Variants in SLCO1A2 observed in about 807,000 individuals in gnomAD.
SLCO1A2 encodes the protein OATP-1.
SLCO1A2 carries 67 observed loss-of-function variants against 69.0 expected under a neutral mutation model. The observed-to-expected ratio is 0.97, with a 90% CI of 0.80 to 1.19. SLCO1A2 has a LOEUF of 1.19. Ranked by LOEUF, SLCO1A2 falls within the 50% of genes most tolerant of loss-of-function variation. The pLI, the probability that SLCO1A2 is intolerant of heterozygous loss-of-function variation, is 0.00. For synonymous variants in SLCO1A2, 260 were observed against 265.9 expected (o/e 0.98, Z 0.22); for missense variants, 787 against 793.7 (o/e 0.99, Z 0.10).
At chr12:21,349,557 A>G (rs1413928870) in intron 2 of SLCO1A2, among the ~76,000 whole-genome samples, 1 of 152,144 alleles carries the variant, frequency 6.6e-6, no homozygotes, top group African/African-American at 2.4e-5. Context: ...TTCAATCAGA[A>G]TTATCTTCTT....
At chr12:21,342,881 G>C (rs1027026049) in intron 2 of SLCO1A2, among the ~76,000 whole-genome samples, 6 of 152,046 alleles carry the variant, frequency 3.9e-5, no homozygotes, top group Non-Finnish European at 5.9e-5. Flanking sequence ...TTTCTAGCTT[G>C]ATAGTACCAG....
At position 21,301,209 on chromosome 12, in the gene SLCO1A2, C is replaced by T; in HGVS notation, c.650G>A (p.Cys217Tyr). ...TCCAGTGTCAACATAAACATTTGCA[C>T]AGAATGATGCCAACAAAAGTCCAAT... is the stretch of plus-strand genomic sequence containing the variant. Reference protein sequence around the residue: ...PLIGLLLASFCANVYVDTGFV... With the variant: ...PLIGLLLASFYANVYVDTGFV... Residue 217 changes from cysteine (C) to tyrosine (Y), a missense_variant, in exon 7 of 15, where the codon TGT becomes TAT. Coordinates refer to ENST00000683939, the MANE Select transcript of SLCO1A2 (RefSeq NM_001386879.1). The T allele has an allele frequency of 6.2e-7, 1 of 1,612,604 alleles. No homozygotes were observed. The highest frequency in any genetic ancestry group is 2.2e-5 in the East Asian group (1 of 44,780).
intron 5 of SLCO1A2, among the ~76,000 whole-genome samples, chr12:21,305,558 C>A (rs1171520886): frequency 6.6e-6 from 1 of 152,218 alleles, no homozygotes; most frequent in Non-Finnish European, 1.5e-5. Context: ...AGATCACAGG[C>A]AAACTCTAGG....
At chr12:21,344,079 C>T (rs1488664986) in intron 2 of SLCO1A2, among the ~76,000 whole-genome samples, 1 of 152,066 alleles carries the variant, frequency 6.6e-6, no homozygotes. Flanking sequence ...TAAGTGAATT[C>T]ATGAATCTTC....
In SLCO1A2 at chr12:21,275,407, T is replaced by G. The variant is rs773254849; in HGVS notation, c.1628A>C (p.Glu543Ala). 15 of 1,509,324 alleles carry G rather than the reference T, an allele frequency of 9.9e-6. No individual in the cohort carries two copies. Among genetic ancestry groups the G allele is most frequent in the Non-Finnish European group, 1.3e-5 (15 of 1,119,336 alleles). The allele number at this position is 1,509,324 out of a possible 1,614,324, so 93.5% of individuals were successfully genotyped here. The change falls in exon 13 of 15, where the codon GAG (glutamate) becomes GCG (alanine). Residue 543 changes from glutamate to alanine, a missense_variant. Transcript: ENST00000683939. ...ATGTAATCCCACACCAAGGGACTTC[T>G]CTTCAGATTTCATACACCTGAAAAG... is the stretch of plus-strand genomic sequence containing the variant. ...MVLLRCMKSE[E>A]KSLGVGLHTF... is the part of the protein sequence containing the mutation.
intron 1 of SLCO1A2, among the ~76,000 whole-genome samples, chr12:21,404,358 G>C (rs1941788265): frequency 6.6e-6 from 1 of 151,756 alleles, no homozygotes; most frequent in African/African-American, 2.4e-5. Context: ...TAAGCCCCAC[G>C]TGCATTAGCT....
chr12:21,352,760 T>G (rs964771612), intron 2 of SLCO1A2, among the ~76,000 whole-genome samples: 46 of 152,210 alleles, frequency 3.0e-4, no homozygotes, highest in Non-Finnish European at 4.1e-4. Context: ...CTAAAAAATG[T>G]TTTTTCCTTG....
rs186649912 is a variant in SLCO1A2, at chr12:21,288,772, T to A, written c.1610+3392A>T. 3.3e-3 allele frequency among the ~76,000 whole-genome samples: 495 copies of A among 152,092 alleles called. 2 individuals are homozygous for A. The highest frequency in any genetic ancestry group is 0.01 in the Middle Eastern group (3 of 294). On this transcript the variant is annotated intron_variant, in intron 12 of 14. Coordinates refer to ENST00000683939, the MANE Select transcript of SLCO1A2 (RefSeq NM_001386879.1). ...CATGCCTGTATCAGAATATCTCACA[T>A]AACCCATAAATATATACACCTACTA...
At chr12:21,367,188 C>G (rs1302302282) in intron 2 of SLCO1A2, among the ~76,000 whole-genome samples, 1 of 152,008 alleles carries the variant, frequency 6.6e-6, no homozygotes, top group Non-Finnish European at 1.5e-5. Context: ...TGAAATAATG[C>G]CTTTATAATT....
At chr12:21,390,079 T>C (rs1680194678) in intron 1 of SLCO1A2, among the ~76,000 whole-genome samples, 1 of 151,974 alleles carries the variant, frequency 6.6e-6, no homozygotes. Context: ...ATCACCATGT[T>C]ATATTCTTAT....
At chr12:21,333,046 C>T (rs867311132) in intron 2 of SLCO1A2, among the ~76,000 whole-genome samples, 1 of 151,956 alleles carries the variant, frequency 6.6e-6, no homozygotes, top group African/African-American at 2.4e-5. Flanking sequence ...TATTGAATAC[C>T]ATTTGTGGAT....
intron 1 of SLCO1A2, among the ~76,000 whole-genome samples, chr12:21,417,675 T>C (rs906753412): frequency 3.3e-5 from 5 of 151,974 alleles, no homozygotes; most frequent in African/African-American, 1.2e-4. Flanking sequence ...AAATTAAACC[T>C]ATATGGAACT....
intron 6 of SLCO1A2, among the ~76,000 whole-genome samples, chr12:21,304,014 T>C (rs901496301): frequency 6.6e-6 from 1 of 152,078 alleles, no homozygotes. Flanking sequence ...AATAAAATTC[T>C]GAAGAGAAAA....
At chr12:21,305,519 G>T (rs1949257097) in intron 5 of SLCO1A2, among the ~76,000 whole-genome samples, 1 of 152,210 alleles carries the variant, frequency 6.6e-6, no homozygotes, top group Admixed American at 6.5e-5. Flanking sequence ...AGATTTGTTT[G>T]TGTGATGCAC....
Position 21,275,428 on chromosome 12 carries a change from AAAAGT to A in SLCO1A2, c.1611-9_1611-5del, listed in dbSNP as rs1943643023. 6.8e-7 allele frequency: 1 copy of A among 1,466,164 alleles called. No homozygotes were observed. Among genetic ancestry groups the A allele is most frequent in the East Asian group, 2.4e-5 (1 of 42,486 alleles). The allele number at this position is 1,466,164 out of a possible 1,614,324, so 90.8% of individuals were successfully genotyped here. A position where few individuals can be genotyped will look rare whatever the true frequency, so the allele number is the denominator to read the frequency against. ...CTTCTCTTCAGATTTCATACACCTG[AAAAGT>A]AAATAAGTTTGTAAATAAAAGAAAA... is the stretch of plus-strand genomic sequence containing the variant. On this transcript the variant is annotated splice_polypyrimidine_tract_variant and splice_region_variant and intron_variant, in intron 12 of 14. Coordinates refer to ENST00000683939, the MANE Select transcript of SLCO1A2 (RefSeq NM_001386879.1).
chr12:21,353,571 TC>T (rs1385529765), intron 2 of SLCO1A2, among the ~76,000 whole-genome samples: 1 of 152,196 alleles, frequency 6.6e-6, no homozygotes, highest in African/African-American at 2.4e-5. Context: ...CCTGATTATA[TC>T]CCGTTTGTTC....
At chr12:21,365,189 C>A (rs1939274984) in intron 2 of SLCO1A2, among the ~76,000 whole-genome samples, 2 of 152,048 alleles carry the variant, frequency 1.3e-5, no homozygotes, top group African/African-American at 4.8e-5. Context: ...GTACTGGTAC[C>A]AAAACAGAGA....
Position 21,275,383 on chromosome 12 carries a change from T to C in SLCO1A2, c.1652A>G (p.His551Arg). The C allele has an allele frequency of 1.3e-6, 2 of 1,560,376 alleles. No individual in the cohort carries two copies. The highest frequency in any genetic ancestry group is 1.7e-6 in the Non-Finnish European group (2 of 1,144,584). Residue 551 changes from histidine to arginine, a missense_variant, in exon 13 of 15, where the codon CAT (histidine) becomes CGT (arginine). By Grantham distance (29) the His-to-Arg change is conservative. Transcript: ENST00000683939. ...SEEKSLGVGL[H>R]TFCTRVFAGI... is the part of the protein sequence containing the mutation. Reference sequence around the variant, plus strand: ...ACCAAATACTCTTGTGCAAAATGTATGTAATCCCACACCAAGGGACTTCTC... The same window carrying C: ...ACCAAATACTCTTGTGCAAAATGTACGTAATCCCACACCAAGGGACTTCTC...
chr12:21,351,635 G>A (rs914564583), intron 2 of SLCO1A2, among the ~76,000 whole-genome samples: 3 of 151,914 alleles, frequency 2.0e-5, no homozygotes, highest in East Asian at 3.9e-4. Flanking sequence ...AAAATTAGCC[G>A]GGCATGGTGG....
Sources: allele counts gnomAD v4.1 joint callset (sites outside exome capture counted in the v4.1 genomes callset), GRCh38; gene constraint gnomAD v4.1.1; transcripts MANE v1.5; gene names NCBI Gene and HGNC (gene_info 2026-07-23, HGNC 2026-07-21).